The following CCBE1 variants were observed in gnomAD, a reference collection of about 807,000 sequenced individuals.
The protein encoded by CCBE1 is collagen and calcium binding EGF domains 1, also known as collagen and calcium-binding EGF domain-containing protein 1.
Under a neutral mutation model 50.0 loss-of-function variants are expected in CCBE1, and 37 were observed. The observed-to-expected ratio is 0.74, with a 90% CI of 0.57 to 0.97. The LOEUF is 0.97. CCBE1 is among the 50% of genes least tolerant of loss of function. The probability of loss-of-function intolerance (pLI) is 0.00; values close to 1 mark genes in which losing one functional copy is unlikely to be tolerated. For synonymous variants in CCBE1, 234 were observed against 203.7 expected (o/e 1.15, Z -1.27); for missense variants, 538 against 523.8 (o/e 1.03, Z -0.26).
intron 2 of CCBE1, among the ~76,000 whole-genome samples, chr18:59,625,997 T>C (rs1291390364): frequency 6.6e-6 from 1 of 152,198 alleles, no homozygotes; most frequent in Non-Finnish European, 1.5e-5. Context: ...ATTTTTAAAT[T>C]ACCCAGTCTC....
At chr18:59,617,939 A>T (rs994071588) in intron 2 of CCBE1, among the ~76,000 whole-genome samples, 2 of 152,204 alleles carry the variant, frequency 1.3e-5, no homozygotes, top group Admixed American at 1.3e-4. Context: ...CAGAAATTCC[A>T]TACATTGACA....
At chr18:59,660,437 G>A (rs180930831) in intron 2 of CCBE1, among the ~76,000 whole-genome samples, 2 of 152,024 alleles carry the variant, frequency 1.3e-5, no homozygotes, top group Non-Finnish European at 1.5e-5. Context: ...CTCGGTGTAC[G>A]GTATTCCAAT....
intron 2 of CCBE1, among the ~76,000 whole-genome samples, chr18:59,487,175 A>G (rs1266530086): frequency 6.7e-6 from 1 of 149,390 alleles, no homozygotes; most frequent in African/African-American, 2.5e-5. Context: ...CTAAATGGAG[A>G]CTTCCGAGAC....
rs374504707 is a variant in CCBE1, at chr18:59,491,540, G to A, written c.213-11302C>T. On this transcript the variant is annotated intron_variant, in intron 2 of 10. Coordinates refer to ENST00000439986, the MANE Select transcript of CCBE1 (RefSeq NM_133459.4). ...ATAGAAAAAATAAAAATGGCCAGCCGTGGTGACTTATGCCTGGAATTCCAG... is the reference window on the plus strand; with the variant it reads ...ATAGAAAAAATAAAAATGGCCAGCCATGGTGACTTATGCCTGGAATTCCAG... 1.4e-3 allele frequency among the ~76,000 whole-genome samples: 216 copies of A among 152,278 alleles called. 1 individual carries two copies. The highest frequency in any genetic ancestry group is 5.4e-4 in the Non-Finnish European group (37 of 68,026).
At chr18:59,696,585 C>T (rs764593954) in intron 2 of CCBE1, 44 bp downstream of exon 2, 5 of 1,611,524 alleles carry the variant, frequency 3.1e-6, no homozygotes, top group Middle Eastern at 1.8e-4. Flanking sequence ...CCCAGCCAGC[C>T]CCGGTGCGCA....
chr18:59,670,045 T>C (rs765326973), intron 2 of CCBE1, among the ~76,000 whole-genome samples: 10 of 152,018 alleles, frequency 6.6e-5, no homozygotes, highest in Non-Finnish European at 1.3e-4. Context: ...GATGCAATCA[T>C]GGACCTCTGC....
At chr18:59,669,264 A>G (rs2054400454) in intron 2 of CCBE1, among the ~76,000 whole-genome samples, 1 of 152,158 alleles carries the variant, frequency 6.6e-6, no homozygotes, top group Non-Finnish European at 1.5e-5. Flanking sequence ...ATTGTTTATA[A>G]ACATTAAAAG....
At chr18:59,581,331 C>T (rs1023576837) in intron 2 of CCBE1, among the ~76,000 whole-genome samples, 3 of 151,770 alleles carry the variant, frequency 2.0e-5, no homozygotes, top group African/African-American at 7.3e-5. Context: ...ATCCCAGCTA[C>T]TCAGGAGGCT....
chr18:59,618,503 C>T (rs1244802831), intron 2 of CCBE1, among the ~76,000 whole-genome samples: 7 of 150,970 alleles, frequency 4.6e-5, no homozygotes, highest in East Asian at 1.9e-4. Context: ...GGCACAATCT[C>T]GGCTTACTGC....
intron 2 of CCBE1, among the ~76,000 whole-genome samples, chr18:59,644,297 T>C (rs2054027697): frequency 2.0e-5 from 3 of 152,184 alleles, no homozygotes; most frequent in Non-Finnish European, 2.9e-5. Flanking sequence ...TGCTGTGCGG[T>C]CCAGTACCAG....
chr18:59,647,705 C>T (rs1168774790), intron 2 of CCBE1, among the ~76,000 whole-genome samples: 3 of 152,152 alleles, frequency 2.0e-5, no homozygotes, highest in Non-Finnish European at 4.4e-5. Context: ...CAATGTTCAT[C>T]TAGGTACTTA....
At chr18:59,601,325 C>A (rs1443608208) in intron 2 of CCBE1, among the ~76,000 whole-genome samples, 2 of 152,002 alleles carry the variant, frequency 1.3e-5, no homozygotes, top group Non-Finnish European at 2.9e-5. Context: ...GTAACTGAAT[C>A]ATGGGGGCAG....
rs185263652 is a variant in CCBE1, at chr18:59,631,738, A to C, written c.212+64891T>G. On this transcript the variant is annotated intron_variant, in intron 2 of 10. Transcript: ENST00000439986. ...CCAACTTAAGAAGCACTGGGCACTA[A>C]ATAGCTTAGAGTTGCCACCTTTTCC... Among the ~76,000 whole-genome samples, 36 of 152,322 alleles carry C rather than the reference A, an allele frequency of 2.4e-4. 1 individual carries two copies. The highest frequency in any genetic ancestry group is 1.7e-3 in the Admixed American group (26 of 15,306).
intron 2 of CCBE1, among the ~76,000 whole-genome samples, chr18:59,496,583 C>T (rs1913366955): frequency 6.6e-6 from 1 of 152,168 alleles, no homozygotes; most frequent in South Asian, 2.1e-4. Context: ...AAAATAGTGA[C>T]AGATCCATCA....
At chr18:59,686,774 T>C (rs1355417442) in intron 2 of CCBE1, among the ~76,000 whole-genome samples, 1 of 152,202 alleles carries the variant, frequency 6.6e-6, no homozygotes, top group Non-Finnish European at 1.5e-5. Flanking sequence ...TCCCTCCCTA[T>C]GTCCACCCAA....
At chr18:59,529,406 T>G (rs1280362564) in intron 2 of CCBE1, among the ~76,000 whole-genome samples, 1 of 152,238 alleles carries the variant, frequency 6.6e-6, no homozygotes, top group African/African-American at 2.4e-5. Context: ...CCCCGGGAAC[T>G]TGTAGTCTTA....
chr18:59,523,742 G>C (rs1914702434), intron 2 of CCBE1, among the ~76,000 whole-genome samples: 1 of 152,148 alleles, frequency 6.6e-6, no homozygotes, highest in Non-Finnish European at 1.5e-5. Flanking sequence ...GAAGCTAAAA[G>C]AAGTGAAGCA....
chr18:59,686,615 C>A (rs1472965350), intron 2 of CCBE1, among the ~76,000 whole-genome samples: 1 of 152,202 alleles, frequency 6.6e-6, no homozygotes, highest in East Asian at 1.9e-4. Context: ...CACCTCAAAG[C>A]CTTTTGTGAT....
Position 59,439,569 on chromosome 18 carries a change from CT to C in CCBE1, c.924del (p.Ala310HisfsTer89). 1 of 1,614,250 alleles carries C rather than the reference CT, an allele frequency of 6.2e-7. No homozygotes were observed. The highest frequency in any genetic ancestry group is 8.5e-7 in the Non-Finnish European group (1 of 1,180,044). On this transcript the variant is annotated frameshift_variant, in exon 9 of 11. Transcript: ENST00000439986. LOFTEE classifies it high-confidence loss of function. ...TTAGAACCATCTCTTCCTGGTGCCC[CT>C]GGTGGACCCTGTAATACAAAAGGAT... is the stretch of plus-strand genomic sequence containing the variant. ...KQGRRGPVGP[P>X]GAPGRDGSKG...
Sources: gnomAD v4.1 joint callset for allele counts (sites outside exome capture counted in the v4.1 genomes callset) on GRCh38, gnomAD v4.1.1 for gene constraint, MANE v1.5 for transcripts, NCBI Gene and HGNC (gene_info 2026-07-23, HGNC 2026-07-21) for gene names.